ROBO1: variants seen among roughly 807,000 people sequenced by gnomAD.
The protein encoded by ROBO1 is roundabout guidance receptor 1.
A neutral mutation model predicts 195.9 loss-of-function variants in ROBO1; 149 were observed. The ratio of observed to expected loss-of-function variants is 0.76; its 90% CI spans 0.67 to 0.87. ROBO1 has a LOEUF of 0.87. Ranked by LOEUF, ROBO1 falls within the 40% of genes least tolerant of loss-of-function variation. ROBO1 has a pLI of 0.00. For missense variants in ROBO1, 1,933 were observed against 2,068.3 expected, an observed-to-expected ratio of 0.93 and a Z score of 1.27; for synonymous variants, 816 against 733.2, an observed-to-expected ratio of 1.11 and a Z score of -1.82.
intron 2 of ROBO1, among the ~76,000 whole-genome samples, chr3:79,424,588 C>T (rs1250866149): frequency 6.6e-6 from 1 of 152,074 alleles, no homozygotes; most frequent in Non-Finnish European, 1.5e-5. Context: ...AGAGACAAAG[C>T]TCCGTTTCTC....
chr3:78,678,076 T>G (rs1192825993), intron 10 of ROBO1, among the ~76,000 whole-genome samples: 2 of 152,148 alleles, frequency 1.3e-5, no homozygotes, highest in Non-Finnish European at 2.9e-5. Flanking sequence ...GAATGACTAC[T>G]GGGTGCATAA....
At chr3:79,517,667 A>C (rs1433376855) in intron 2 of ROBO1, among the ~76,000 whole-genome samples, 2 of 152,146 alleles carry the variant, frequency 1.3e-5, no homozygotes, top group Non-Finnish European at 2.9e-5. Flanking sequence ...GTAACATATA[A>C]AGAGAGAGGC....
intron 2 of ROBO1, among the ~76,000 whole-genome samples, chr3:79,397,419 C>G (rs1460373261): frequency 6.6e-6 from 1 of 152,020 alleles, no homozygotes; most frequent in Non-Finnish European, 1.5e-5. Flanking sequence ...TCGTATTGGA[C>G]AAAGCTTTTC....
intron 2 of ROBO1, among the ~76,000 whole-genome samples, chr3:79,282,414 T>C (rs1272741519): frequency 6.6e-6 from 1 of 152,160 alleles, no homozygotes; most frequent in Non-Finnish European, 1.5e-5. Flanking sequence ...GGTCCTGCTA[T>C]TGTGGGGCTT....
intron 2 of ROBO1, among the ~76,000 whole-genome samples, chr3:79,202,494 C>T (rs1352616557): frequency 6.6e-6 from 1 of 150,928 alleles, no homozygotes; most frequent in Non-Finnish European, 1.5e-5. Context: ...CGATCGTGAA[C>T]AAACTGCCCA....
At chr3:78,922,026 G>T (rs79776201) in intron 4 of ROBO1, among the ~76,000 whole-genome samples, 3,959 of 151,894 alleles carry the variant, frequency 0.026, 192 homozygotes, top group African/African-American at 0.088. Context: ...TAGATCATGA[G>T]GTCTGCCCAC....
intron 10 of ROBO1, among the ~76,000 whole-genome samples, chr3:78,678,778 C>A (rs531652488): frequency 6.6e-6 from 1 of 152,332 alleles, no homozygotes; most frequent in East Asian, 1.9e-4. Flanking sequence ...CCTTCTGAAA[C>A]TATTCCAAAC....
intron 2 of ROBO1, among the ~76,000 whole-genome samples, chr3:79,354,591 C>T (rs1280329515): frequency 1.3e-5 from 2 of 152,008 alleles, no homozygotes; most frequent in Non-Finnish European, 2.9e-5. Flanking sequence ...TGTTGAGTGG[C>T]GCAATAACAA....
intron 4 of ROBO1, among the ~76,000 whole-genome samples, chr3:78,868,092 C>A (rs2035293410): frequency 1.3e-5 from 2 of 152,140 alleles, no homozygotes; most frequent in Admixed American, 6.6e-5. Context: ...CACCCTTACT[C>A]AGGCGACAGC....
intron 4 of ROBO1, among the ~76,000 whole-genome samples, chr3:78,924,917 T>C (rs1370257800): frequency 6.6e-6 from 1 of 151,956 alleles, no homozygotes; most frequent in Non-Finnish European, 1.5e-5. Flanking sequence ...TTTAAAATAC[T>C]TAAATTAATA....
intron 4 of ROBO1, 33 bp downstream of exon 4, chr3:78,938,568 C>G (rs1440978941): frequency 6.4e-7 from 1 of 1,562,856 alleles, no homozygotes; most frequent in South Asian, 1.2e-5. Context: ...CTGCCACTCC[C>G]TCTGCCAAAC....
chr3:78,983,992 G>A (rs1382618698), intron 3 of ROBO1, among the ~76,000 whole-genome samples: 1 of 152,138 alleles, frequency 6.6e-6, no homozygotes, highest in Admixed American at 6.5e-5. Flanking sequence ...ATGGTTAGGA[G>A]AATTCATGCT....
intron 1 of ROBO1, among the ~76,000 whole-genome samples, chr3:79,736,386 A>G (rs1226932875): frequency 6.6e-6 from 1 of 152,202 alleles, no homozygotes; most frequent in African/African-American, 2.4e-5. Flanking sequence ...AAGGTTAGGC[A>G]CAGGAATTTC....
intron 2 of ROBO1, among the ~76,000 whole-genome samples, chr3:79,506,281 G>T (rs1286810693): frequency 2.6e-5 from 4 of 152,080 alleles, no homozygotes; most frequent in Non-Finnish European, 2.9e-5. Context: ...GATTTTTAAG[G>T]ATATGAATGT....
chr3:78,965,094 T>C (rs1046784804), intron 3 of ROBO1, among the ~76,000 whole-genome samples: 2 of 152,058 alleles, frequency 1.3e-5, no homozygotes, highest in African/African-American at 4.8e-5. Flanking sequence ...ATAAATAATG[T>C]TGAGGTGAAT....
At chr3:79,033,294 A>C (rs2078327870) in intron 3 of ROBO1, among the ~76,000 whole-genome samples, 1 of 152,036 alleles carries the variant, frequency 6.6e-6, no homozygotes, top group Non-Finnish European at 1.5e-5. Flanking sequence ...TAGTGTGTTT[A>C]TTTCTTTAAA....
chr3:78,701,648 T>C (rs988080017), intron 8 of ROBO1, among the ~76,000 whole-genome samples: 1 of 152,204 alleles, frequency 6.6e-6, no homozygotes, highest in Admixed American at 6.5e-5. Flanking sequence ...ATCTCTTCAC[T>C]AATGACCTAA....
intron 2 of ROBO1, among the ~76,000 whole-genome samples, chr3:79,487,120 A>C (rs545588739): frequency 2.2e-5 from 3 of 138,166 alleles, no homozygotes; most frequent in African/African-American, 8.2e-5. Context: ...GTTCCCAGGA[A>C]CCTCCTGGAG....
chr3:79,441,188 G>A (rs1559901526), intron 2 of ROBO1, among the ~76,000 whole-genome samples: 1 of 152,056 alleles, frequency 6.6e-6, no homozygotes, highest in Non-Finnish European at 1.5e-5. Context: ...GTAACAGAGA[G>A]CTTCAACCAT....
Sources: gnomAD v4.1 joint callset for allele counts (sites outside exome capture counted in the v4.1 genomes callset) on GRCh38, gnomAD v4.1.1 for gene constraint, MANE v1.5 for transcripts, NCBI Gene and HGNC (gene_info 2026-07-23, HGNC 2026-07-21) for gene names.